The following CLINT1 variants were observed in gnomAD, a reference collection of about 807,000 sequenced individuals.
The protein encoded by CLINT1 is clathrin interactor 1.
A neutral mutation model predicts 70.4 loss-of-function variants in CLINT1; 15 were observed. The ratio of observed to expected loss-of-function variants is 0.21; its 90% CI spans 0.14 to 0.33. CLINT1 has a LOEUF of 0.33. Among genes scored for constraint, CLINT1 ranks in the 10% least tolerant of loss-of-function variants. The pLI, the probability that CLINT1 is intolerant of heterozygous loss-of-function variation, is 1.00. For synonymous variants in CLINT1, 227 were observed against 254.7 expected (o/e 0.89, Z 1.04); for missense variants, 615 against 778.1 (o/e 0.79, Z 2.49).
At chr5:157,848,711 G>T (rs1185718956) in intron 1 of CLINT1, among the ~76,000 whole-genome samples, 2 of 152,154 alleles carry the variant, frequency 1.3e-5, no homozygotes, top group Admixed American at 1.3e-4. Flanking sequence ...GTCCAGGCTG[G>T]AGTGCAGTGA....
chr5:157,811,187 T>C (rs1762544837), intron 5 of CLINT1, among the ~76,000 whole-genome samples: 1 of 152,194 alleles, frequency 6.6e-6, no homozygotes, highest in Non-Finnish European at 1.5e-5. Context: ...GTGAACATCA[T>C]ACTGAATTAC....
At chr5:157,853,860 G>C (rs577928175) in intron 1 of CLINT1, among the ~76,000 whole-genome samples, 1 of 147,878 alleles carries the variant, frequency 6.8e-6, no homozygotes, top group African/African-American at 2.5e-5. Flanking sequence ...AGGCAGTTAA[G>C]TGCTTTTTAA....
chr5:157,790,573 C>T, intron 10 of CLINT1: 4 of 443,426 alleles, frequency 9.0e-6, no homozygotes, highest in South Asian at 6.5e-5. Flanking sequence ...TACATTAGGT[C>T]TTATTTCTGT....
intron 1 of CLINT1, among the ~76,000 whole-genome samples, chr5:157,826,172 TTGTG>T (rs535922942): frequency 2.7e-4 from 41 of 152,242 alleles, no homozygotes; most frequent in African/African-American, 7.2e-4. Flanking sequence ...TTAAAGACCC[TTGTG>T]TGTATCTTCA....
chr5:157,792,667 G>A (rs1274589380), intron 9 of CLINT1, among the ~76,000 whole-genome samples: 1 of 152,096 alleles, frequency 6.6e-6, no homozygotes, highest in Non-Finnish European at 1.5e-5. Context: ...AAGAGAGGAG[G>A]AAAACTCATG....
At position 157,814,890 on chromosome 5, in the gene CLINT1, G is replaced by A. The variant is rs561112360; in HGVS notation, c.244-597C>T. Among the ~76,000 whole-genome samples, 6 of 151,980 alleles carry A rather than the reference G, an allele frequency of 3.9e-5. No homozygotes were observed. The East Asian group carries it at 9.7e-4, about 24-fold the overall frequency. On this transcript the variant is annotated intron_variant, in intron 3 of 11. Coordinates refer to ENST00000411809, the MANE Select transcript of CLINT1 (RefSeq NM_014666.4). ...TCTACTAAAAATACAAAAATTAGCTGGGCATGGTGGCCCACGCCTGTAATC... is the reference window on the plus strand; with the variant it reads ...TCTACTAAAAATACAAAAATTAGCTAGGCATGGTGGCCCACGCCTGTAATC...
intron 1 of CLINT1, among the ~76,000 whole-genome samples, chr5:157,831,065 A>C (rs254662): frequency 0.41 from 61,570 of 149,952 alleles, 13,050 homozygotes; most frequent in East Asian, 0.64. Context: ...CAAACAAAAA[A>C]AAGTTTAAAC....
At chr5:157,802,457 G>C (rs1762254473) in intron 8 of CLINT1, among the ~76,000 whole-genome samples, 1 of 151,494 alleles carries the variant, frequency 6.6e-6, no homozygotes. Context: ...TCAAAATCTA[G>C]CACATACTGG....
intron 1 of CLINT1, among the ~76,000 whole-genome samples, chr5:157,857,527 C>A (rs1753798339): frequency 1.3e-5 from 2 of 152,156 alleles, no homozygotes; most frequent in Admixed American, 1.3e-4. Flanking sequence ...ACTCTAAATG[C>A]AAAACATTTG....
At chr5:157,841,481 G>A (rs1222398129) in intron 1 of CLINT1, among the ~76,000 whole-genome samples, 2 of 151,580 alleles carry the variant, frequency 1.3e-5, no homozygotes, top group Admixed American at 6.6e-5. Context: ...CAGAAGAATC[G>A]CTTGAACCTG....
chr5:157,791,523 C>T (rs1725612345), intron 10 of CLINT1, 180 bp downstream of exon 10: 1 of 612,588 alleles, frequency 1.6e-6, no homozygotes, highest in African/African-American at 1.8e-5. Flanking sequence ...AATGACTATG[C>T]TAGGGGAGAG....
At chr5:157,838,225 T>C (rs1361047522) in intron 1 of CLINT1, among the ~76,000 whole-genome samples, 1 of 151,066 alleles carries the variant, frequency 6.6e-6, no homozygotes, top group South Asian at 2.1e-4. Flanking sequence ...CAGGTTCAAG[T>C]AATTCTCTTG....
chr5:157,854,692 TC>T (rs1436150410), intron 1 of CLINT1, among the ~76,000 whole-genome samples: 1 of 152,204 alleles, frequency 6.6e-6, no homozygotes, highest in Non-Finnish European at 1.5e-5. Flanking sequence ...TATTACATTA[TC>T]TAAACATTTA....
chr5:157,854,317 C>T (rs1308980786), intron 1 of CLINT1, among the ~76,000 whole-genome samples: 1 of 152,182 alleles, frequency 6.6e-6, no homozygotes, highest in Non-Finnish European at 1.5e-5. Flanking sequence ...GGCGCAATGG[C>T]TCCCGCCTGT....
chr5:157,801,368 G>A (rs1317249498), intron 8 of CLINT1, among the ~76,000 whole-genome samples: 4 of 151,582 alleles, frequency 2.6e-5, no homozygotes, highest in African/African-American at 4.9e-5. Context: ...TCAGCCGGGC[G>A]TGGTGGCGCA....
At chr5:157,836,222 C>T (rs1763418670) in intron 1 of CLINT1, among the ~76,000 whole-genome samples, 1 of 152,196 alleles carries the variant, frequency 6.6e-6, no homozygotes. Context: ...TTGTCCTAAG[C>T]CACGGACAAT....
chr5:157,846,773 T>C (rs889182382), intron 1 of CLINT1, among the ~76,000 whole-genome samples: 14 of 152,198 alleles, frequency 9.2e-5, no homozygotes, highest in Admixed American at 8.5e-4. Context: ...TGTGAGCCAG[T>C]GCTCACTGCA....
chr5:157,832,934 C>A (rs1227659488), intron 1 of CLINT1, among the ~76,000 whole-genome samples: 1 of 152,216 alleles, frequency 6.6e-6, no homozygotes, highest in South Asian at 2.1e-4. Context: ...TAACTAGTCT[C>A]TCTACTTCGA....
intron 7 of CLINT1, among the ~76,000 whole-genome samples, chr5:157,805,434 G>A (rs750263707): frequency 3.9e-5 from 6 of 152,152 alleles, no homozygotes; most frequent in Non-Finnish European, 7.4e-5. Flanking sequence ...AGGCAAACAC[G>A]CCTCCCTTTA....
Sources: gnomAD v4.1 joint callset for allele counts (sites outside exome capture counted in the v4.1 genomes callset) on GRCh38, gnomAD v4.1.1 for gene constraint, MANE v1.5 for transcripts, NCBI Gene and HGNC (gene_info 2026-07-23, HGNC 2026-07-21) for gene names.